The following EPAS1 variants were observed in gnomAD, a reference collection of about 807,000 sequenced individuals.
EPAS1 encodes endothelial PAS domain protein 1, also known as endothelial PAS domain-containing protein 1.
EPAS1 carries 23 observed loss-of-function variants against 87.9 expected under a neutral mutation model. That is an observed-to-expected ratio of 0.26 (90% CI 0.19 to 0.37). The LOEUF is 0.37. EPAS1 is among the 10% of genes least tolerant of loss of function. The pLI, the probability that EPAS1 is intolerant of heterozygous loss-of-function variation, is 1.00. For missense variants in EPAS1, 1,138 were observed against 1,120.7 expected, an observed-to-expected ratio of 1.02 and a Z score of -0.22; for synonymous variants, 508 against 444.3, an observed-to-expected ratio of 1.14 and a Z score of -1.80.
intron 1 of EPAS1, among the ~76,000 whole-genome samples, chr2:46,342,211 T>C (rs755868014): frequency 6.6e-6 from 1 of 152,218 alleles, no homozygotes; most frequent in Non-Finnish European, 1.5e-5. Flanking sequence ...ACTTTGGTTC[T>C]GCCCCAGTTA....
At chr2:46,319,337 CT>C (rs1397249402) in intron 1 of EPAS1, among the ~76,000 whole-genome samples, 1 of 152,190 alleles carries the variant, frequency 6.6e-6, no homozygotes. Context: ...AGTGGTATTC[CT>C]GTGACCAAGA....
chr2:46,363,031 G>A (rs1274163849), intron 6 of EPAS1, among the ~76,000 whole-genome samples: 1 of 151,178 alleles, frequency 6.6e-6, no homozygotes, highest in Admixed American at 6.6e-5. Context: ...TAATGATGGT[G>A]GTTCAAGAAG....
At chr2:46,366,143 G>A (rs986082514) in intron 6 of EPAS1, among the ~76,000 whole-genome samples, 2 of 152,228 alleles carry the variant, frequency 1.3e-5, no homozygotes, top group Non-Finnish European at 2.9e-5. Context: ...GCACGTGGAC[G>A]GGTGCTGGCG....
chr2:46,302,917 C>CA (rs1427648880), intron 1 of EPAS1, among the ~76,000 whole-genome samples: 2 of 151,790 alleles, frequency 1.3e-5, no homozygotes, highest in Non-Finnish European at 2.9e-5. Context: ...ACTAAAAATA[C>CA]AAAAAATTAG....
intron 1 of EPAS1, among the ~76,000 whole-genome samples, chr2:46,313,238 C>T (rs1267346859): frequency 6.6e-6 from 1 of 152,172 alleles, no homozygotes; most frequent in African/African-American, 2.4e-5. Context: ...GGCCTCTGAT[C>T]CTTCATCTGT....
chr2:46,364,858 A>G (rs1389567154), intron 6 of EPAS1, among the ~76,000 whole-genome samples: 1 of 152,226 alleles, frequency 6.6e-6, no homozygotes, highest in Non-Finnish European at 1.5e-5. Flanking sequence ...TGCATCTGCT[A>G]TGTAACTGTG....
rs1572647344 is a variant in EPAS1, at chr2:46,377,772, C to G, written c.1250-122C>G. The G allele has an allele frequency of 2.0e-6, 3 of 1,518,136 alleles. No homozygotes were observed. In the African/African-American group the frequency reaches 4.1e-5, roughly 21 times the overall value. The allele number at this position is 1,518,136 out of a possible 1,614,324, so 94.0% of individuals were successfully genotyped here. On this transcript the variant is annotated intron_variant, in intron 9 of 15. Coordinates refer to ENST00000263734, the MANE Select transcript of EPAS1 (RefSeq NM_001430.5). ...GCTGAGCCCCAGGGTGTTGGGGGGGCCTAGCCCCAGGCATGCCTTCCAGAC... is the reference window on the plus strand; with the variant it reads ...GCTGAGCCCCAGGGTGTTGGGGGGGGCTAGCCCCAGGCATGCCTTCCAGAC...
At chr2:46,340,770 T>C (rs1441918805) in intron 1 of EPAS1, among the ~76,000 whole-genome samples, 1 of 152,230 alleles carries the variant, frequency 6.6e-6, no homozygotes, top group Non-Finnish European at 1.5e-5. Flanking sequence ...CTCTGTCACC[T>C]GAGCTGGAGT....
chr2:46,304,404 C>T (rs919211834), intron 1 of EPAS1, among the ~76,000 whole-genome samples: 16 of 152,152 alleles, frequency 1.1e-4, no homozygotes, highest in Non-Finnish European at 2.1e-4. Context: ...GTGTTCCATA[C>T]GCCCTTCCCT....
chr2:46,331,202 C>A (rs1025763424), intron 1 of EPAS1, among the ~76,000 whole-genome samples: 1 of 152,232 alleles, frequency 6.6e-6, no homozygotes, highest in Non-Finnish European at 1.5e-5. Context: ...GCTGCATCTG[C>A]ATGGCACATG....
chr2:46,354,533 T>C (rs1684232158), intron 2 of EPAS1, among the ~76,000 whole-genome samples: 1 of 150,878 alleles, frequency 6.6e-6, no homozygotes. Context: ...GCCGAGTCTA[T>C]ATTTTTCAGA....
intron 1 of EPAS1, among the ~76,000 whole-genome samples, chr2:46,342,039 G>A (rs1683923569): frequency 2.0e-5 from 3 of 151,986 alleles, no homozygotes; most frequent in South Asian, 4.2e-4. Context: ...CTTTGGAACC[G>A]TGGTCCTCAG....
chr2:46,377,691 T>A (rs1454200832), intron 9 of EPAS1, among the ~76,000 whole-genome samples: 1 of 152,130 alleles, frequency 6.6e-6, no homozygotes, highest in Non-Finnish European at 1.5e-5. Context: ...GACTGTTCCG[T>A]TTAAAGGGAG....
intron 1 of EPAS1, among the ~76,000 whole-genome samples, chr2:46,338,428 C>T (rs1683842524): frequency 6.6e-6 from 1 of 152,160 alleles, no homozygotes; most frequent in Admixed American, 6.5e-5. Flanking sequence ...CAGTGGCAGA[C>T]ATCAGAGGCC....
At chr2:46,302,758 A>G (rs1683035522) in intron 1 of EPAS1, among the ~76,000 whole-genome samples, 1 of 149,114 alleles carries the variant, frequency 6.7e-6, no homozygotes, top group Non-Finnish European at 1.5e-5. Flanking sequence ...AAAAAAAAAA[A>G]GAGATACAAG....
Position 46,382,484 on chromosome 2 carries a change from C to T in EPAS1, c.2347C>T (p.Pro783Ser). The T allele has an allele frequency of 6.2e-7, 1 of 1,614,166 alleles. No homozygotes were observed. Among genetic ancestry groups the T allele is most frequent in the Non-Finnish European group, 8.5e-7 (1 of 1,180,034 alleles). Residue 783 changes from proline to serine, a missense_variant, in exon 15 of 16, where the codon CCA (proline) becomes TCA (serine). Coordinates refer to ENST00000263734, the MANE Select transcript of EPAS1 (RefSeq NM_001430.5). ...CCATCCCCTGAGACATCTGCCGCTG[C>T]CACAGCCTCCATCTGCCATCAGTCC... ...LGHPLRHLPL[P>S]QPPSAISPGE... is the part of the protein sequence containing the mutation.
At position 46,380,879 on chromosome 2, in the gene EPAS1, T is replaced by C. The variant is rs1472913107; in HGVS notation, c.2045+162T>C. Among the ~76,000 whole-genome samples, 2 of 152,060 alleles carry C rather than the reference T, an allele frequency of 1.3e-5. No individual in the cohort carries two copies. The highest frequency in any genetic ancestry group is 2.9e-5 in the Non-Finnish European group (2 of 67,982). Reference sequence around the variant, plus strand: ...GACTTTGGGGAATCACCTCAAGCCATGTGAGGCCTAGTGTAGGATGGGTTT... The same window carrying C: ...GACTTTGGGGAATCACCTCAAGCCACGTGAGGCCTAGTGTAGGATGGGTTT... On this transcript the variant is annotated intron_variant, in intron 12 of 15. Coordinates refer to ENST00000263734, the MANE Select transcript of EPAS1 (RefSeq NM_001430.5). This position sits in a 1 kb window ranked among gnomAD's most constrained non-coding sequence, Gnocchi z 4.4.
chr2:46,379,369 C>G (rs1166565959), intron 11 of EPAS1, among the ~76,000 whole-genome samples: 3 of 152,080 alleles, frequency 2.0e-5, no homozygotes, highest in African/African-American at 7.3e-5. Context: ...TTGAGTTCAA[C>G]CAGATTTCTG....
At chr2:46,318,335 C>T (rs1683384888) in intron 1 of EPAS1, among the ~76,000 whole-genome samples, 1 of 152,056 alleles carries the variant, frequency 6.6e-6, no homozygotes, top group Non-Finnish European at 1.5e-5. Context: ...TCACTGATCG[C>T]AGATCATTAT....
Sources: allele counts gnomAD v4.1 joint callset (sites outside exome capture counted in the v4.1 genomes callset), GRCh38; gene constraint gnomAD v4.1.1; non-coding constraint Gnocchi (gnomAD v3.1); transcripts MANE v1.5; gene names NCBI Gene and HGNC (gene_info 2026-07-23, HGNC 2026-07-21).